CSMD2: variants seen among roughly 807,000 people sequenced by gnomAD.
The protein encoded by CSMD2 is CUB and sushi domain-containing protein 2.
CSMD2 carries 130 observed loss-of-function variants against 398.5 expected under a neutral mutation model. That is an observed-to-expected ratio of 0.33 (90% CI 0.28 to 0.38). The LOEUF is 0.38. CSMD2 is among the 10% of genes least tolerant of loss of function. The pLI is 1.00. For synonymous variants in CSMD2, 1,828 were observed against 1,908.5 expected, an observed-to-expected ratio of 0.96 and a Z score of 1.10; for missense variants, 3,829 against 4,764.9, an observed-to-expected ratio of 0.80 and a Z score of 5.78.
chr1:33,577,380 G>A lies in CSMD2; in HGVS notation c.7492C>T (p.Arg2498Cys), dbSNP rs760779955. ...SIHFGCNAGYRLVGHSMAICT... is the reference protein window; with the variant it reads ...SIHFGCNAGYCLVGHSMAICT... ...ATGGCCATGCTGTGTCCCACCAGGC[G>A]GTAGCCGGCGTTGCAGCCAAAGTGG... Residue 2498 changes from arginine to cysteine, a missense_variant, in exon 49 of 71, where the codon CGC becomes TGC. Physicochemically the swap from Arg to Cys is radical, Grantham distance 180. Around this residue, in one of 5 missense-constraint regions of CSMD2, gnomAD observed 723 missense variants for 758.6 expected, o/e 0.95. Coordinates refer to ENST00000373381, the MANE Select transcript of CSMD2 (RefSeq NM_001281956.2). 1.2e-5 allele frequency: 19 copies of A among 1,614,066 alleles called. 1 individual carries two copies. Among genetic ancestry groups the A allele is most frequent in the East Asian group, 6.7e-5 (3 of 44,898 alleles).
intron 3 of CSMD2, among the ~76,000 whole-genome samples, chr1:34,012,369 C>G (rs900126634): frequency 6.6e-6 from 1 of 152,198 alleles, no homozygotes; most frequent in African/African-American, 2.4e-5. Context: ...CCAGATCCGT[C>G]TTATCCTCCT....
chr1:33,671,219 G>A (rs1351482488), intron 25 of CSMD2, among the ~76,000 whole-genome samples: 5 of 152,210 alleles, frequency 3.3e-5, no homozygotes, highest in African/African-American at 1.2e-4. Context: ...AGTTTCCTTG[G>A]TGCTGGGGCA....
intron 3 of CSMD2, among the ~76,000 whole-genome samples, chr1:33,981,889 T>G (rs991717248): frequency 6.6e-6 from 1 of 152,076 alleles, no homozygotes; most frequent in Non-Finnish European, 1.5e-5. Flanking sequence ...AGGGGTCCCC[T>G]GTGCAGATGC....
intron 4 of CSMD2, among the ~76,000 whole-genome samples, chr1:33,934,386 A>G (rs1644403033): frequency 1.3e-5 from 2 of 152,226 alleles, no homozygotes; most frequent in African/African-American, 4.8e-5. Flanking sequence ...AATGATGCAA[A>G]TATTGAGGGC....
At chr1:33,890,297 C>T (rs1352154015) in intron 5 of CSMD2, among the ~76,000 whole-genome samples, 6 of 140,512 alleles carry the variant, frequency 4.3e-5, no homozygotes, top group African/African-American at 8.1e-5. Flanking sequence ...GTGGAGCGAT[C>T]GTTGCTCACT....
intron 32 of CSMD2, among the ~76,000 whole-genome samples, chr1:33,628,138 T>G (rs947675611): frequency 6.6e-6 from 1 of 152,172 alleles, no homozygotes; most frequent in Non-Finnish European, 1.5e-5. Flanking sequence ...AAGAAGGATC[T>G]GAGATCAATA....
chr1:34,156,463 A>C (rs1640814709), intron 1 of CSMD2, among the ~76,000 whole-genome samples: 1 of 152,202 alleles, frequency 6.6e-6, no homozygotes, highest in South Asian at 2.1e-4. Flanking sequence ...CAAATTTCAA[A>C]GTCTCTGCTT....
intron 19 of CSMD2, among the ~76,000 whole-genome samples, chr1:33,719,333 C>T (rs546669209): frequency 5.9e-5 from 9 of 152,336 alleles, no homozygotes; most frequent in South Asian, 2.1e-4. Context: ...TTAAGCATCG[C>T]GCTTTGCACT....
chr1:33,774,446 C>T (rs1247965594), intron 12 of CSMD2, among the ~76,000 whole-genome samples: 2 of 152,206 alleles, frequency 1.3e-5, no homozygotes, highest in East Asian at 3.9e-4. Context: ...AAAGAAGGGG[C>T]TCCTGTGATA....
At chr1:33,846,846 C>T (rs372192663) in intron 6 of CSMD2, 38 bp downstream of exon 6, 10 of 1,380,118 alleles carry the variant, frequency 7.2e-6, no homozygotes, top group Non-Finnish European at 9.1e-6. Context: ...ATCTCTGCTG[C>T]CCACTGAGGA....
chr1:33,605,168 TG>T, intron 42 of CSMD2, 113 bp downstream of exon 42: 1 of 1,025,966 alleles, frequency 9.7e-7, no homozygotes, highest in Non-Finnish European at 1.4e-6. Flanking sequence ...ACAGTTTGCC[TG>T]GACCTCCAGC....
intron 5 of CSMD2, among the ~76,000 whole-genome samples, chr1:33,873,297 T>C (rs958477736): frequency 2.0e-5 from 3 of 152,262 alleles, no homozygotes; most frequent in East Asian, 1.9e-4. Flanking sequence ...ACAAGAATCA[T>C]TGGAGAGCCA....
chr1:33,722,978 C>T (rs1646408096), intron 19 of CSMD2, among the ~76,000 whole-genome samples: 1 of 152,134 alleles, frequency 6.6e-6, no homozygotes, highest in Non-Finnish European at 1.5e-5. Context: ...CATAATCCAT[C>T]CTTTCTTCAA....
chr1:33,939,205 T>G (rs569816442), intron 3 of CSMD2, among the ~76,000 whole-genome samples: 2 of 152,186 alleles, frequency 1.3e-5, no homozygotes, highest in Admixed American at 6.5e-5. Flanking sequence ...TGCAGCTTGC[T>G]TATTTGGTGT....
chr1:33,541,934 C>A (rs2148598097), intron 58 of CSMD2, among the ~76,000 whole-genome samples: 2 of 152,264 alleles, frequency 1.3e-5, no homozygotes, highest in Middle Eastern at 6.8e-3. Flanking sequence ...CCAACAGCAC[C>A]TACACAGGAC....
intron 3 of CSMD2, among the ~76,000 whole-genome samples, chr1:33,946,477 CT>C (rs1471640616): frequency 1.3e-5 from 2 of 152,180 alleles, no homozygotes; most frequent in Non-Finnish European, 2.9e-5. Flanking sequence ...GGCCTAAGGT[CT>C]TCTATGACCC....
chr1:33,974,193 T>A (rs1037487517), intron 3 of CSMD2, among the ~76,000 whole-genome samples: 1 of 152,202 alleles, frequency 6.6e-6, no homozygotes, highest in African/African-American at 2.4e-5. Context: ...CCCCGGTATA[T>A]CAAAGGCTCA....
intron 13 of CSMD2, among the ~76,000 whole-genome samples, chr1:33,754,686 G>A (rs1446138400): frequency 6.7e-6 from 1 of 149,322 alleles, no homozygotes; most frequent in Non-Finnish European, 1.5e-5. Context: ...ATTTCTCACT[G>A]TTATGTTAAA....
At chr1:33,595,355 G>T (rs1177200135) in intron 44 of CSMD2, among the ~76,000 whole-genome samples, 1 of 152,206 alleles carries the variant, frequency 6.6e-6, no homozygotes, top group Non-Finnish European at 1.5e-5. Context: ...TGGAAGTGAT[G>T]CTGGCTTCTT....
Sources: gnomAD v4.1 joint callset for allele counts (sites outside exome capture counted in the v4.1 genomes callset) on GRCh38, gnomAD v4.1.1 for gene constraint, gnomAD v4.1.1 regional missense constraint, MANE v1.5 for transcripts, NCBI Gene and HGNC (gene_info 2026-07-23, HGNC 2026-07-21) for gene names.